Variants in CDC25C observed in about 807,000 individuals in gnomAD.
CDC25C encodes the protein M-phase inducer phosphatase 3.
CDC25C carries 48 observed loss-of-function variants against 52.5 expected under a neutral mutation model. That is an observed-to-expected ratio of 0.91 (90% CI 0.72 to 1.16). The LOEUF is 1.16. Among genes scored for constraint, CDC25C ranks in the 50% most tolerant of loss-of-function variants. The pLI is 0.00. For synonymous variants in CDC25C, 187 were observed against 206.5 expected, an observed-to-expected ratio of 0.91 and a Z score of 0.81; for missense variants, 510 against 566.1, an observed-to-expected ratio of 0.90 and a Z score of 1.01.
chr5:138,294,193 ATT>A (rs1270076043), intron 7 of CDC25C, among the ~76,000 whole-genome samples: 15 of 116,866 alleles, frequency 1.3e-4, no homozygotes, highest in Admixed American at 1.7e-4. Context: ...TGCTTGGCTA[ATT>A]TTTTTTTTTT....
chr5:138,310,290 T>G (rs1439012202), intron 7 of CDC25C, among the ~76,000 whole-genome samples: 2 of 152,196 alleles, frequency 1.3e-5, no homozygotes, highest in Non-Finnish European at 2.9e-5. Flanking sequence ...TTCGAACAAG[T>G]GCCATGCATG....
At chr5:138,327,882 T>TC (rs1413586947) in intron 4 of CDC25C, among the ~76,000 whole-genome samples, 3 of 151,912 alleles carry the variant, frequency 2.0e-5, no homozygotes, top group African/African-American at 7.3e-5. Context: ...TTTTTTTTTT[T>TC]CTGAGACGGA....
intron 7 of CDC25C, among the ~76,000 whole-genome samples, chr5:138,311,206 A>G (rs1487454568): frequency 6.6e-6 from 1 of 152,198 alleles, no homozygotes; most frequent in Non-Finnish European, 1.5e-5. Flanking sequence ...CCCAAAGAGC[A>G]AAGTTAAAGC....
intron 7 of CDC25C, among the ~76,000 whole-genome samples, chr5:138,313,221 C>T (rs1357519766): frequency 6.6e-6 from 1 of 151,038 alleles, no homozygotes; most frequent in African/African-American, 2.4e-5. Flanking sequence ...ACTAAAAATA[C>T]AAAAAAAATT....
rs546855951 is a variant in CDC25C at position 138,327,240 on chromosome 5, C to T, written c.336-1186G>A. On this transcript the variant is annotated intron_variant, in intron 4 of 13. Transcript: ENST00000323760. ...ACTGCACTCCATCCTGGCAACAGAG[C>T]GAGACTCCATCTCAAAAAAAAAAAA... is the stretch of plus-strand genomic sequence containing the variant. Among the ~76,000 whole-genome samples the T allele has an allele frequency of 1.2e-3, 184 of 148,938 alleles. 1 individual carries two copies. Among genetic ancestry groups the T allele is most frequent in the Non-Finnish European group, 2.2e-3 (149 of 67,312 alleles).
intron 7 of CDC25C, among the ~76,000 whole-genome samples, chr5:138,294,275 T>C (rs1359701249): frequency 6.6e-6 from 1 of 150,830 alleles, no homozygotes. Context: ...CATTGCAACC[T>C]CTACCTCCCA....
chr5:138,338,341 C>G (rs1352000854), upstream of CDC25C: 2 of 447,676 alleles, frequency 4.5e-6, no homozygotes, highest in Non-Finnish European at 8.6e-6. Flanking sequence ...GCTGGGGCCT[C>G]GGGGCGGGCA....
intron 7 of CDC25C, among the ~76,000 whole-genome samples, chr5:138,313,173 C>T (rs1758581175): frequency 6.6e-6 from 1 of 151,742 alleles, no homozygotes; most frequent in South Asian, 2.1e-4. Flanking sequence ...GTCAGATATT[C>T]AAGACCAGCC....
At chr5:138,286,867 C>A (rs931809398) in intron 11 of CDC25C, among the ~76,000 whole-genome samples, 5 of 152,034 alleles carry the variant, frequency 3.3e-5, no homozygotes, top group Non-Finnish European at 7.4e-5. Context: ...GAGATCACTG[C>A]GAGGAATGTT....
rs1359726137 is a variant in CDC25C at position 138,300,144 on chromosome 5, T to C, written c.616-8028A>G. On this transcript the variant is annotated intron_variant, in intron 7 of 13. Transcript: ENST00000323760. The stretch of plus-strand genomic sequence containing the variant: ...GAGCACACAGGAGTTCAAGGCGACA[T>C]AGTGAGGCACCGCCCCAACTCCAAT... Among the ~76,000 whole-genome samples the C allele has an allele frequency of 2.0e-5, 3 of 151,982 alleles. No individual in the cohort carries two copies. In the East Asian group the frequency reaches 5.8e-4, roughly 29 times the overall value.
chr5:138,319,556 C>A (rs2126793921), intron 6 of CDC25C, among the ~76,000 whole-genome samples, 182 bp from the exon 7 acceptor site: 1 of 152,158 alleles, frequency 6.6e-6, no homozygotes, highest in East Asian at 1.9e-4. Flanking sequence ...TGGTCTTCAT[C>A]AAAATGGAAA....
chr5:138,288,824 C>T (rs11242420), intron 10 of CDC25C, among the ~76,000 whole-genome samples: 22,056 of 152,138 alleles, frequency 0.14, 1,871 homozygotes, highest in South Asian at 0.23. Flanking sequence ...AAAGCAAACA[C>T]TATTAATAAT....
In CDC25C at chr5:138,292,072, G is replaced by T; in HGVS notation, c.660C>A (p.Asn220Lys). The change falls in exon 8 of 14, where the codon AAC becomes AAA. Residue 220 changes from asparagine to lysine, a missense_variant. By Grantham distance (94) the Asn-to-Lys change is moderately conservative. Transcript: ENST00000323760. Reference sequence around the variant, plus strand: ...CCTGCTTCAGTCTTGGCCTGTTCAAGTTCTCTGGCATCGACGGGGAGCGAT... The same window carrying T: ...CCTGCTTCAGTCTTGGCCTGTTCAATTTCTCTGGCATCGACGGGGAGCGAT... Reference protein sequence around the residue: ...GLYRSPSMPENLNRPRLKQVE... With the variant: ...GLYRSPSMPEKLNRPRLKQVE... 1 of 1,613,226 alleles carries T rather than the reference G, an allele frequency of 6.2e-7. No homozygotes were observed. Among genetic ancestry groups the T allele is most frequent in the African/African-American group, 1.3e-5 (1 of 74,972 alleles).
At chr5:138,309,310 C>A (rs939011164) in intron 7 of CDC25C, among the ~76,000 whole-genome samples, 1 of 151,940 alleles carries the variant, frequency 6.6e-6, no homozygotes, top group African/African-American at 2.4e-5. Flanking sequence ...AATCCCAGCA[C>A]TTTGGGAGGC....
chr5:138,331,238 T>C lies in CDC25C; in HGVS notation c.-38-20A>G. The C allele has an allele frequency of 1.3e-6, 2 of 1,504,990 alleles. No individual in the cohort carries two copies. Among genetic ancestry groups the C allele is most frequent in the Non-Finnish European group, 1.8e-6 (2 of 1,084,668 alleles). 93.2% of individuals were successfully genotyped at this position (1,504,990 alleles called of 1,614,324 possible). A position where few individuals can be genotyped will look rare whatever the true frequency, so the allele number is the denominator to read the frequency against. On this transcript the variant is annotated intron_variant, in intron 1 of 13. Coordinates refer to ENST00000323760, the MANE Select transcript of CDC25C (RefSeq NM_001790.5). ...ACCTAGCTAGGAGGAAAACGTCATCTAAATCGGTACATCACAGTTCCCTCA... is the reference window on the plus strand; with the variant it reads ...ACCTAGCTAGGAGGAAAACGTCATCCAAATCGGTACATCACAGTTCCCTCA...
At chr5:138,326,240 C>T (rs1439735654) in intron 4 of CDC25C, among the ~76,000 whole-genome samples, 186 bp from the exon 5 acceptor site, 1 of 152,160 alleles carries the variant, frequency 6.6e-6, no homozygotes, top group Non-Finnish European at 1.5e-5. Context: ...AAGTGACATC[C>T]TGGGGATAAG....
intron 7 of CDC25C, among the ~76,000 whole-genome samples, chr5:138,293,801 C>T (rs963171773): frequency 2.0e-5 from 3 of 151,878 alleles, no homozygotes; most frequent in African/African-American, 7.3e-5. Context: ...TGCGCATCAC[C>T]ATGCCCAGCC....
rs1000645448 is a variant in CDC25C, at chr5:138,338,108, T to C, written c.-140A>G. The stretch of plus-strand genomic sequence containing the variant: ...GCCAGGCTCGTTCCCAACAGCGCTG[T>C]CCGAGAGACACTTTGAGAGAGACAC... On this transcript the variant is annotated 5_prime_UTR_variant, in exon 1 of 6. Transcript: ENST00000510119. The C allele has an allele frequency of 5.4e-6, 7 of 1,289,676 alleles. No homozygotes were observed. The African/African-American group carries it at 1.1e-4, about 20-fold the overall frequency. The allele number at this position is 1,289,676 out of a possible 1,614,324, so 79.9% of individuals were successfully genotyped here.
Position 138,285,508 on chromosome 5 carries a change from C to T in CDC25C, c.*184G>A. ...TTATAGAGCCAGCTCCAGGACTCTG[C>T]CACCAGCTTTCAGCTCTGCTGAAAC... On this transcript the variant is annotated 3_prime_UTR_variant, in exon 14 of 14. Transcript: ENST00000323760. The T allele has an allele frequency of 1.6e-6, 1 of 642,784 alleles. No homozygotes were observed. Among genetic ancestry groups the T allele is most frequent in the East Asian group, 2.6e-5 (1 of 38,428 alleles). 39.8% of individuals were successfully genotyped at this position (642,784 alleles called of 1,614,324 possible).
Sources: allele counts gnomAD v4.1 joint callset (sites outside exome capture counted in the v4.1 genomes callset), GRCh38; gene constraint gnomAD v4.1.1; transcripts MANE v1.5; gene names NCBI Gene and HGNC (gene_info 2026-07-23, HGNC 2026-07-21).